The following ANO6 variants were observed in gnomAD, a reference collection of about 807,000 sequenced individuals.
ANO6 encodes the protein anoctamin-6.
A neutral mutation model predicts 117.5 loss-of-function variants in ANO6; 106 were observed. That is an observed-to-expected ratio of 0.90 (90% confidence interval 0.77 to 1.06). The LOEUF (loss-of-function observed/expected upper bound fraction) is 1.06. Ranked by LOEUF, ANO6 falls within the 50% of genes least tolerant of loss-of-function variation. The pLI is 0.00. For synonymous variants in ANO6, 367 were observed against 385.1 expected (o/e 0.95, Z 0.55); for missense variants, 955 against 1,121.1 (o/e 0.85, Z 2.12).
intron 1 of ANO6, among the ~76,000 whole-genome samples, chr12:45,253,743 A>T (rs1227071601): frequency 6.6e-6 from 1 of 152,190 alleles, no homozygotes. Context: ...ATTACATCCA[A>T]AGTTCTTCCC....
At chr12:45,217,623 A>C (rs1947336310) in intron 1 of ANO6, among the ~76,000 whole-genome samples, 4 of 152,216 alleles carry the variant, frequency 2.6e-5, no homozygotes, top group Non-Finnish European at 5.9e-5. Flanking sequence ...ATAGGAGAGA[A>C]AACTGAAGCG....
intron 12 of ANO6, among the ~76,000 whole-genome samples, chr12:45,401,317 A>T (rs1039821516): frequency 6.6e-6 from 1 of 152,190 alleles, no homozygotes; most frequent in African/African-American, 2.4e-5. Flanking sequence ...TAGCTCCCTC[A>T]TGGAGTATGA....
intron 1 of ANO6, among the ~76,000 whole-genome samples, chr12:45,240,331 G>A (rs958312205): frequency 4.4e-5 from 6 of 135,924 alleles, no homozygotes; most frequent in African/African-American, 1.6e-4. Context: ...TTTTATCAGA[G>A]ACTAGGATTG....
At chr12:45,357,191 T>C in intron 7 of ANO6, 99 bp from the exon 8 acceptor site, 1 of 1,404,476 alleles carries the variant, frequency 7.1e-7, no homozygotes. Context: ...AGATTTAAGC[T>C]TAAAGCCTCT....
At chr12:45,266,305 C>A (rs7304773) in intron 1 of ANO6, among the ~76,000 whole-genome samples, 145,216 of 152,240 alleles carry the variant, frequency 0.95, 69,658 homozygotes, top group East Asian at 1. Context: ...TAAAAATATT[C>A]ATAAATTTGT....
At chr12:45,348,337 T>G (rs765010375) in intron 5 of ANO6, 22 bp downstream of exon 5, 1 of 1,614,018 alleles carries the variant, frequency 6.2e-7, no homozygotes, top group South Asian at 1.1e-5. Flanking sequence ...CCAAATTTAG[T>G]TGCTGTCTTG....
chr12:45,429,365 T>C lies in ANO6; in HGVS notation c.*54T>C. The C allele has an allele frequency of 6.3e-7, 1 of 1,585,218 alleles. No individual in the cohort carries two copies. Among genetic ancestry groups the C allele is most frequent in the South Asian group, 1.1e-5 (1 of 87,220 alleles). ...GGAATTTAGCTTTGTCAAAATATAT[T>C]AGGAATCACTAATGAGAATGTGTAA... On this transcript the variant is annotated 3_prime_UTR_variant, in exon 20 of 20. Transcript: ENST00000320560.
At chr12:45,439,783 A>C in exon 20 of ANO6, 1 of 1,550,418 alleles carries the variant, frequency 6.4e-7, no homozygotes, top group Non-Finnish European at 8.7e-7. Context: ...CGATGAAATT[A>C]GACTTTTGGA....
chr12:45,373,546 G>C (rs536766974), intron 9 of ANO6, among the ~76,000 whole-genome samples: 1 of 152,144 alleles, frequency 6.6e-6, no homozygotes, highest in Non-Finnish European at 1.5e-5. Context: ...TAGAACTCAG[G>C]ATTAAGAAAC....
intron 1 of ANO6, among the ~76,000 whole-genome samples, chr12:45,287,504 C>T (rs1040414627): frequency 2.0e-5 from 3 of 152,170 alleles, no homozygotes; most frequent in African/African-American, 4.8e-5. Flanking sequence ...ATCTATTGCA[C>T]GCTCTTAAGT....
intron 11 of ANO6, 31 bp downstream of exon 11, chr12:45,388,334 A>G: frequency 1.2e-5 from 20 of 1,612,960 alleles, no homozygotes; most frequent in Non-Finnish European, 1.6e-5. Flanking sequence ...GTGCAGTTTA[A>G]TCTACTTACT....
intron 17 of ANO6, among the ~76,000 whole-genome samples, chr12:45,418,876 A>G (rs1223251718): frequency 1.3e-5 from 2 of 152,220 alleles, no homozygotes; most frequent in Admixed American, 6.5e-5. Flanking sequence ...CCCTTTTTCC[A>G]TATTAGGATT....
chr12:45,295,846 T>A (rs1314447634), intron 1 of ANO6, among the ~76,000 whole-genome samples: 1 of 151,892 alleles, frequency 6.6e-6, no homozygotes, highest in Non-Finnish European at 1.5e-5. Context: ...AGGCGCTTTT[T>A]AAATTTTTTT....
intron 2 of ANO6, among the ~76,000 whole-genome samples, chr12:45,318,525 A>G (rs1233448402): frequency 1.3e-5 from 2 of 152,198 alleles, no homozygotes; most frequent in African/African-American, 4.8e-5. Context: ...TGATTACTGT[A>G]GCCTTGTAGT....
At position 45,393,105 on chromosome 12, in the gene ANO6, G is replaced by A. The variant is rs889889652; in HGVS notation, c.1386+2607G>A. Among the ~76,000 whole-genome samples, 4 of 152,240 alleles carry A rather than the reference G, an allele frequency of 2.6e-5. No homozygotes were observed. In the South Asian group the frequency reaches 6.2e-4, roughly 24 times the overall value. On this transcript the variant is annotated intron_variant, in intron 12 of 19. Coordinates refer to ENST00000320560, the MANE Select transcript of ANO6 (RefSeq NM_001025356.3). ...AGGAAGCTAAAAATCTTGAAAAAAC[G>A]TTAGACAAATGGCTAACTAGAATAA... is the stretch of plus-strand genomic sequence containing the variant.
intron 1 of ANO6, among the ~76,000 whole-genome samples, chr12:45,275,991 G>A (rs764834816): frequency 2.0e-5 from 3 of 152,078 alleles, no homozygotes; most frequent in Non-Finnish European, 4.4e-5. Flanking sequence ...CTCCCTCCTT[G>A]ACAGCACTCC....
chr12:45,420,407 G>A (rs1943328135), intron 17 of ANO6, among the ~76,000 whole-genome samples: 1 of 148,376 alleles, frequency 6.7e-6, no homozygotes, highest in African/African-American at 2.6e-5. Flanking sequence ...CTTGAGGCCA[G>A]GAGTTCCAGA....
intron 1 of ANO6, among the ~76,000 whole-genome samples, chr12:45,299,681 T>C (rs114644203): frequency 0.017 from 2,585 of 151,948 alleles, 67 homozygotes; most frequent in African/African-American, 0.059. Flanking sequence ...TGAAAACGCT[T>C]CTCTACTAAA....
chr12:45,350,781 G>T lies in ANO6; in HGVS notation c.863+7G>T. On this transcript the variant is annotated splice_region_variant and intron_variant, in intron 7 of 19. Transcript: ENST00000320560. ...AGCCCTTGGATCTTATCAGGTGAGG[G>T]GTTGTAGGGAGTACTCCAGGGGGAG... 8 of 1,609,914 alleles carry T rather than the reference G, an allele frequency of 5.0e-6. No homozygotes were observed. Among genetic ancestry groups the T allele is most frequent in the Non-Finnish European group, 5.9e-6 (7 of 1,177,072 alleles).
Sources: gnomAD v4.1 joint callset for allele counts (sites outside exome capture counted in the v4.1 genomes callset) on GRCh38, gnomAD v4.1.1 for gene constraint, MANE v1.5 for transcripts, NCBI Gene and HGNC (gene_info 2026-07-23, HGNC 2026-07-21) for gene names.